ZNF256: variants seen among roughly 807,000 people sequenced by gnomAD.
ZNF256 encodes the protein bone marrow zinc finger 3.
In ZNF256, 4 loss-of-function variants were observed where a neutral mutation model predicts 7.9. The observed-to-expected ratio is 0.50, with a 90% CI of 0.25 to 1.15. The LOEUF is 1.15. Ranked by LOEUF, ZNF256 falls within the 50% of genes most tolerant of loss-of-function variation. The pLI is 0.15. For synonymous variants in ZNF256, 260 were observed against 260.4 expected (o/e 1.00, Z 0.02); for missense variants, 666 against 755.9 (o/e 0.88, Z 1.39).
intron 1 of ZNF256, 132 bp from the exon 2 acceptor site, chr19:57,944,192 C>T: frequency 7.4e-7 from 1 of 1,355,274 alleles, no homozygotes; most frequent in Non-Finnish European, 1.0e-6. Flanking sequence ...GAGGAGAAAG[C>T]AGTCAGCTGG....
intron 1 of ZNF256, among the ~76,000 whole-genome samples, chr19:57,945,598 C>T (rs924237171): frequency 3.3e-5 from 5 of 152,170 alleles, no homozygotes; most frequent in Non-Finnish European, 5.9e-5. Context: ...TAATTTCCGG[C>T]CTTATACCGC....
chr19:57,941,140 A>C lies in ZNF256; in HGVS notation c.1668T>G (p.Phe556Leu). 1 of 1,614,178 alleles carries C rather than the reference A, an allele frequency of 6.2e-7. No homozygotes were observed. Among genetic ancestry groups the C allele is most frequent in the Non-Finnish European group, 8.5e-7 (1 of 1,180,022 alleles). ...PYECSECWKSFSNHSSLVKHR... is the reference protein window; with the variant it reads ...PYECSECWKSLSNHSSLVKHR... ...GTTTAACGAGGCTAGAGTGGTTACT[A>C]AAGGATTTCCAACACTCACTGCACT... The change falls in exon 3 of 3, where the codon TTT (phenylalanine) becomes TTG (leucine). Residue 556 changes from phenylalanine to leucine, a missense_variant. Coordinates refer to ENST00000282308, the MANE Select transcript of ZNF256 (RefSeq NM_005773.3).
intron 1 of ZNF256, among the ~76,000 whole-genome samples, chr19:57,945,760 CCACAGGTGAAT>C (rs1211364826): frequency 6.6e-6 from 1 of 152,186 alleles, no homozygotes; most frequent in East Asian, 1.9e-4. Context: ...CCACACAGAA[CCACAGGTGAAT>C]CACAGATAAC....
chr19:57,947,152 C>A, intron 1 of ZNF256, among the ~76,000 whole-genome samples: 1 of 152,202 alleles, frequency 6.6e-6, no homozygotes, highest in Admixed American at 6.5e-5. Flanking sequence ...GCATCTATGG[C>A]GGTATTAGAT....
Position 57,941,888 on chromosome 19 carries a change from T to G in ZNF256, c.920A>C (p.Lys307Thr). 3 of 1,614,228 alleles carry G rather than the reference T, an allele frequency of 1.9e-6. No homozygotes were observed. The highest frequency in any genetic ancestry group is 2.5e-6 in the Non-Finnish European group (3 of 1,180,038). Residue 307 changes from lysine to threonine, a missense_variant, in exon 3 of 3, where the codon AAG becomes ACG. By Grantham distance (78) the Lys-to-Thr change is moderately conservative (BLOSUM62 -1). Transcript: ENST00000282308. ...CDECGKLFNR[K>T]YDLLIHQRVH... ...TCTCTGATGTATAAGAAGGTCATAC[T>G]TCCTGTTAAATAATTTTCCACATTC...
chr19:57,941,034 T>G lies in ZNF256; in HGVS notation c.1774A>C (p.Asn592His). ...KSFSQSSNLT[N>H]HQRIHSGERP... ...TCCCCACTGTGAATTCGCTGGTGAT[T>G]AGTGAGGTTAGAGCTCTGGCTAAAG... Residue 592 changes from asparagine (N) to histidine (H), a missense_variant, in exon 3 of 3, where the codon AAT becomes CAT. Coordinates refer to ENST00000282308, the MANE Select transcript of ZNF256 (RefSeq NM_005773.3). The G allele has an allele frequency of 6.2e-7, 1 of 1,614,134 alleles. No homozygotes were observed. Among genetic ancestry groups the G allele is most frequent in the South Asian group, 1.1e-5 (1 of 91,082 alleles).
chr19:57,943,735 T>C (rs1278270913), intron 2 of ZNF256, among the ~76,000 whole-genome samples, 199 bp downstream of exon 2: 1 of 152,188 alleles, frequency 6.6e-6, no homozygotes, highest in African/African-American at 2.4e-5. Context: ...CTCTGAATCT[T>C]TCCACATGAA....
Position 57,942,440 on chromosome 19 carries a change from C to T in ZNF256, c.368G>A (p.Cys123Tyr). ...HGQKLYTDGA[C>Y]RKQLQFTAYL... Reference sequence around the variant, plus strand: ...TGCAGTAAATTGTAATTGTTTCCTACATGCCCCGTCTGTATACAGTTTCTG... The same window carrying T: ...TGCAGTAAATTGTAATTGTTTCCTATATGCCCCGTCTGTATACAGTTTCTG... The change falls in exon 3 of 3, where the codon TGT (cysteine) becomes TAT (tyrosine). Residue 123 changes from cysteine (C) to tyrosine (Y), a missense_variant. Coordinates refer to ENST00000282308, the MANE Select transcript of ZNF256 (RefSeq NM_005773.3). The T allele has an allele frequency of 6.2e-7, 1 of 1,614,230 alleles. No homozygotes were observed. The highest frequency in any genetic ancestry group is 1.7e-5 in the Admixed American group (1 of 60,026).
In ZNF256 at chr19:57,941,955, G is replaced by A. The variant is rs1297370197; in HGVS notation, c.853C>T (p.His285Tyr). 1 of 1,614,202 alleles carries A rather than the reference G, an allele frequency of 6.2e-7. No individual in the cohort carries two copies. Among genetic ancestry groups the A allele is most frequent in the Admixed American group, 1.7e-5 (1 of 60,020 alleles). Residue 285 changes from histidine (H) to tyrosine (Y), a missense_variant, in exon 3 of 3, where the codon CAC (histidine) becomes TAC (tyrosine). Coordinates refer to ENST00000282308, the MANE Select transcript of ZNF256 (RefSeq NM_005773.3). Reference sequence around the variant, plus strand: ...CTTACTCCAGTGTGAATTCTTCGGTGCGTAATAAGGCTAGAGCTTTGCCTA... The same window carrying A: ...CTTACTCCAGTGTGAATTCTTCGGTACGTAATAAGGCTAGAGCTTTGCCTA... ...SYRQSSSLIT[H>Y]RRIHTGVRPH...
intron 1 of ZNF256, among the ~76,000 whole-genome samples, chr19:57,944,272 A>G (rs1198075790): frequency 6.6e-6 from 1 of 152,202 alleles, no homozygotes; most frequent in East Asian, 1.9e-4. Flanking sequence ...AGGTGAACAA[A>G]TACATGTATC....
intron 2 of ZNF256, among the ~76,000 whole-genome samples, chr19:57,943,176 G>C (rs1469758679): frequency 6.6e-6 from 1 of 152,190 alleles, no homozygotes; most frequent in Non-Finnish European, 1.5e-5. Context: ...TGACAAGCAA[G>C]CTAAGTATCA....
chr19:57,946,814 G>A (rs1449514720), intron 1 of ZNF256, among the ~76,000 whole-genome samples: 1 of 152,152 alleles, frequency 6.6e-6, no homozygotes, highest in Non-Finnish European at 1.5e-5. Flanking sequence ...GGAGACTTGT[G>A]GCTTCATAAA....
At position 57,942,144 on chromosome 19, in the gene ZNF256, A is replaced by T. The variant is rs764220491; in HGVS notation, c.664T>A (p.Tyr222Asn). The T allele has an allele frequency of 4.3e-6, 7 of 1,614,230 alleles. No homozygotes were observed. In the South Asian group the frequency reaches 7.7e-5, roughly 18 times the overall value. The change falls in exon 3 of 3, where the codon TAC becomes AAC. Residue 222 changes from tyrosine to asparagine, a missense_variant. Transcript: ENST00000282308. ...NWGECVKAFS[Y>N]KHVRVQHQGD... ...TGGTGCTGAACACGTACATGTTTGT[A>T]GCTGAAAGCTTTCACACATTCTCCC...
chr19:57,942,426 G>T lies in ZNF256; in HGVS notation c.382C>A (p.Gln128Lys). The change falls in exon 3 of 3, where the codon CAA becomes AAA. Residue 128 changes from glutamine to lysine, a missense_variant. Transcript: ENST00000282308. Reference sequence around the variant, plus strand: ...TGCTGATGAAGGTATGCAGTAAATTGTAATTGTTTCCTACATGCCCCGTCT... The same window carrying T: ...TGCTGATGAAGGTATGCAGTAAATTTTAATTGTTTCCTACATGCCCCGTCT... ...YTDGACRKQL[Q>K]FTAYLHQHQK... is the part of the protein sequence containing the mutation. The T allele has an allele frequency of 6.2e-7, 1 of 1,613,016 alleles. No individual in the cohort carries two copies. Among genetic ancestry groups the T allele is most frequent in the Non-Finnish European group, 8.5e-7 (1 of 1,178,942 alleles).
At position 57,941,146 on chromosome 19, in the gene ZNF256, T is replaced by C. The variant is rs780317967; in HGVS notation, c.1662A>G (p.Lys554=). ...ERPYECSECW[K]SFSNHSSLVK... ...CGAGGCTAGAGTGGTTACTAAAGGATTTCCAACACTCACTGCACTCATAAG... is the reference window on the plus strand; with the variant it reads ...CGAGGCTAGAGTGGTTACTAAAGGACTTCCAACACTCACTGCACTCATAAG... The change falls in exon 3 of 3, where the codon AAA becomes AAG. Residue 554 remains lysine (K), a synonymous_variant. Coordinates refer to ENST00000282308, the MANE Select transcript of ZNF256 (RefSeq NM_005773.3). 6.2e-7 allele frequency: 1 copy of C among 1,614,180 alleles called. No individual in the cohort carries two copies. The highest frequency in any genetic ancestry group is 8.5e-7 in the Non-Finnish European group (1 of 1,180,026).
At position 57,942,157 on chromosome 19, in the gene ZNF256, C is replaced by T. The variant is rs2072734330; in HGVS notation, c.651G>A (p.Val217=). The change falls in exon 3 of 3, where the codon GTG becomes GTA. Residue 217 remains valine (V), a synonymous_variant. Coordinates refer to ENST00000282308, the MANE Select transcript of ZNF256 (RefSeq NM_005773.3). The part of the protein sequence containing the change: ...VKNHYNWGEC[V]KAFSYKHVRV... ...GTACATGTTTGTAGCTGAAAGCTTT[C>T]ACACATTCTCCCCAGTTGTAATGAT... The T allele has an allele frequency of 6.2e-7, 1 of 1,614,254 alleles. No individual in the cohort carries two copies. The highest frequency in any genetic ancestry group is 1.3e-5 in the African/African-American group (1 of 75,064).
At chr19:57,946,031 G>A (rs969870921) in intron 1 of ZNF256, among the ~76,000 whole-genome samples, 34 of 152,158 alleles carry the variant, frequency 2.2e-4, no homozygotes, top group African/African-American at 7.2e-4. Context: ...TGTCCTATGC[G>A]TTTGCATCCA....
Position 57,942,274 on chromosome 19 carries a change from C to T in ZNF256, c.534G>A (p.Leu178=), listed in dbSNP as rs1245780054. ...GTTGCTGAAGAAATCTTGATCTCAC[C>T]AGGAAATCCTTCCCAACCTCCTTGC... ...FTCKEVGKDF[L]VRSRFLQQQA... The change falls in exon 3 of 3, where the codon CTG becomes CTA. Residue 178 remains leucine (L), a synonymous_variant. Transcript: ENST00000282308. The T allele has an allele frequency of 1.2e-6, 2 of 1,614,200 alleles. No individual in the cohort carries two copies. Among genetic ancestry groups the T allele is most frequent in the Admixed American group, 1.7e-5 (1 of 60,012 alleles).
intron 2 of ZNF256, 95 bp downstream of exon 2, chr19:57,943,839 T>G (rs765652418): frequency 5.9e-5 from 89 of 1,504,324 alleles, no homozygotes; most frequent in Non-Finnish European, 7.6e-5. Context: ...CAGGAAGCTG[T>G]GTCAATAGTC....
Sources: allele counts gnomAD v4.1 joint callset (sites outside exome capture counted in the v4.1 genomes callset), GRCh38; gene constraint gnomAD v4.1.1; transcripts MANE v1.5; gene names NCBI Gene and HGNC (gene_info 2026-07-23, HGNC 2026-07-21).